Variants in CLIP1 observed in about 807,000 individuals in gnomAD.
CLIP1 encodes the protein CAP-Gly domain-containing linker protein 1.
Under a neutral mutation model 161.6 loss-of-function variants are expected in CLIP1, and 66 were observed. The observed-to-expected ratio is 0.41, with a 90% CI of 0.33 to 0.50. The LOEUF (loss-of-function observed/expected upper bound fraction) is 0.50, where lower values mean the gene tolerates loss of function less well. Among genes scored for constraint, CLIP1 ranks in the 20% least tolerant of loss-of-function variants. The pLI is 0.27. For missense variants in CLIP1, 1,376 were observed against 1,702.0 expected (o/e 0.81, Z 3.37); for synonymous variants, 598 against 626.2 (o/e 0.96, Z 0.67).
At chr12:122,315,939 T>C (rs1453477272) in intron 19 of CLIP1, among the ~76,000 whole-genome samples, 1 of 151,428 alleles carries the variant, frequency 6.6e-6, no homozygotes, top group African/African-American at 2.4e-5. Flanking sequence ...CCGTGCCTGG[T>C]CTATTACTCT....
At chr12:122,322,990 CTCTT>C (rs941095509) in intron 17 of CLIP1, 3 of 152,542 alleles carry the variant, frequency 2.0e-5, no homozygotes, top group Non-Finnish European at 2.9e-5. Context: ...CCTTTTTTCT[CTCTT>C]GAAGCTCCTT....
intron 19 of CLIP1, 112 bp from the exon 20 acceptor site, chr12:122,309,994 T>C (rs1951008017): frequency 2.5e-6 from 3 of 1,182,522 alleles, no homozygotes; most frequent in Admixed American, 4.3e-5. Context: ...ACGTGCCTGA[T>C]AGGATCTATA....
At chr12:122,370,971 A>C (rs982501470) in intron 3 of CLIP1, among the ~76,000 whole-genome samples, 1 of 47,170 alleles carries the variant, frequency 2.1e-5, no homozygotes, top group Admixed American at 2.0e-4. Flanking sequence ...AAAAAAAAAG[A>C]AAAAAAAAAA....
At chr12:122,320,152 T>C (rs574252712) in intron 17 of CLIP1, among the ~76,000 whole-genome samples, 1 of 151,426 alleles carries the variant, frequency 6.6e-6, no homozygotes, top group South Asian at 2.1e-4. Context: ...CGGGTGCCTG[T>C]AGCTACTTGG....
At chr12:122,414,411 A>C (rs1956653116) in intron 1 of CLIP1, among the ~76,000 whole-genome samples, 3 of 151,986 alleles carry the variant, frequency 2.0e-5, no homozygotes, top group African/African-American at 7.2e-5. Context: ...TACTCTCCCA[A>C]AGTGCTGGGA....
At chr12:122,309,549 T>C (rs1393961910) in intron 20 of CLIP1, among the ~76,000 whole-genome samples, 1 of 152,174 alleles carries the variant, frequency 6.6e-6, no homozygotes, top group African/African-American at 2.4e-5. Context: ...CAGTGTTCTG[T>C]GTGTTTTTTA....
intron 21 of CLIP1, among the ~76,000 whole-genome samples, chr12:122,286,854 C>G (rs1026301889): frequency 6.6e-6 from 1 of 151,956 alleles, no homozygotes; most frequent in Non-Finnish European, 1.5e-5. Flanking sequence ...AAAATTTAGC[C>G]GGGTGTGGTG....
At chr12:122,337,471 G>GA (rs746545014) in intron 11 of CLIP1, among the ~76,000 whole-genome samples, 3 of 147,216 alleles carry the variant, frequency 2.0e-5, no homozygotes, top group Non-Finnish European at 3.0e-5. Context: ...AGAAAGAAAA[G>GA]AGAGATGGGG....
intron 3 of CLIP1, among the ~76,000 whole-genome samples, chr12:122,375,356 G>A (rs1488540557): frequency 6.9e-6 from 1 of 145,618 alleles, no homozygotes; most frequent in African/African-American, 2.5e-5. Context: ...TCACTCTGTT[G>A]CCCAGGCTAG....
rs1954083851 is a variant in CLIP1 at position 122,365,260 on chromosome 12, AG to A, written c.658-1154del. On this transcript the variant is annotated intron_variant, in intron 3 of 25. Coordinates refer to ENST00000620786, the MANE Select transcript of CLIP1 (RefSeq NM_001247997.2). ...TAATAATAAAATAAAAATAAAAAAA[AG>A]AAAGGTGATATTGTAGACATCAAAG... 5.3e-6 allele frequency: 3 copies of A among 566,804 alleles called. No homozygotes were observed. The South Asian group carries it at 8.0e-5, about 15-fold the overall frequency. 35.1% of individuals were successfully genotyped at this position (566,804 alleles called of 1,614,324 possible).
At chr12:122,389,441 A>G (rs1311159005) in intron 1 of CLIP1, among the ~76,000 whole-genome samples, 1 of 152,168 alleles carries the variant, frequency 6.6e-6, no homozygotes, top group Non-Finnish European at 1.5e-5. Context: ...ACACAAAACT[A>G]TATGACAGAC....
rs370603758 is a variant in CLIP1, at chr12:122,406,021, G to A, written c.-107+16500C>T. ...GGCAGAGGTTGCAGTGAGCCTAGAT[G>A]GCACCACTGCACTCCAGCCTGGGTG... On this transcript the variant is annotated intron_variant, in intron 1 of 25. Coordinates refer to ENST00000620786, the MANE Select transcript of CLIP1 (RefSeq NM_001247997.2). Among the ~76,000 whole-genome samples, 8 of 152,200 alleles carry A rather than the reference G, an allele frequency of 5.3e-5. No individual in the cohort carries two copies. The East Asian group carries it at 1.5e-3, about 29-fold the overall frequency.
rs1951777156 is a variant in CLIP1, at chr12:122,328,080, T to G, written c.3116A>C (p.Lys1039Thr). 7 of 1,614,072 alleles carry G rather than the reference T, an allele frequency of 4.3e-6. No homozygotes were observed. The highest frequency in any genetic ancestry group is 5.9e-6 in the Non-Finnish European group (7 of 1,180,046). ...YERATSETKT[K>T]HEEILQNLQK... ...GAGGTTCTGTAGGATTTCTTCATGC[T>G]TGGTTTTTGTCTCAGAAGTGGCTCT... The change falls in exon 17 of 26, where the codon AAG becomes ACG. Residue 1039 changes from lysine to threonine, a missense_variant. By Grantham distance (78) the Lys-to-Thr change is moderately conservative (BLOSUM62 -1). Around this residue, in one of 6 missense-constraint regions of CLIP1, gnomAD observed 948 missense variants for 1,134.8 expected, o/e 0.84. Coordinates refer to ENST00000620786, the MANE Select transcript of CLIP1 (RefSeq NM_001247997.2).
chr12:122,392,516 T>G (rs1955702366), intron 1 of CLIP1, among the ~76,000 whole-genome samples: 1 of 151,958 alleles, frequency 6.6e-6, no homozygotes, highest in South Asian at 2.1e-4. Context: ...GCCCCAGCAA[T>G]GAATCCCAAA....
In CLIP1 at chr12:122,350,132, T is replaced by C. The variant is rs189936428; in HGVS notation, c.1401+979A>G. 1.6e-4 allele frequency among the ~76,000 whole-genome samples: 25 copies of C among 152,268 alleles called. No individual in the cohort carries two copies. In the East Asian group the frequency reaches 4.8e-3, roughly 29 times the overall value. On this transcript the variant is annotated intron_variant, in intron 9 of 25. Transcript: ENST00000620786. The stretch of plus-strand genomic sequence containing the variant: ...GTTGGCCAGGCTGGTCTCAAACTCC[T>C]AACCTTAGGTGTTCTGCCCGCCTCA...
chr12:122,340,720 G>A (rs779570307), intron 11 of CLIP1, 33 bp downstream of exon 11: 1 of 1,474,358 alleles, frequency 6.8e-7, no homozygotes, highest in South Asian at 1.3e-5. Flanking sequence ...ATAACAAATG[G>A]AAAAGAAAAG....
chr12:122,322,945 G>A (rs1049397585), intron 17 of CLIP1: 1 of 152,660 alleles, frequency 6.6e-6, no homozygotes, highest in Non-Finnish European at 1.5e-5. Context: ...GCATCAAAGA[G>A]AGGTCGCACT....
intron 1 of CLIP1, among the ~76,000 whole-genome samples, chr12:122,387,422 A>T (rs1955323923): frequency 6.7e-6 from 1 of 149,898 alleles, no homozygotes; most frequent in South Asian, 2.1e-4. Flanking sequence ...TCTTTTCTGT[A>T]TTTTACATCA....
chr12:122,278,052 C>G lies in CLIP1; in HGVS notation c.3966+102G>C, dbSNP rs77976446. ...AGGAATGCATTACCAATTCAAAAGA[C>G]TAAATGATACAAAAGGCATCAAATG... On this transcript the variant is annotated intron_variant, in intron 24 of 25. Coordinates refer to ENST00000620786, the MANE Select transcript of CLIP1 (RefSeq NM_001247997.2). The G allele has an allele frequency of 5.3e-4, 548 of 1,030,188 alleles. 6 individuals carry two copies. In the African/African-American group the frequency reaches 8.1e-3, roughly 15 times the overall value. 63.8% of individuals were successfully genotyped at this position (1,030,188 alleles called of 1,614,324 possible).
Sources: gnomAD v4.1 joint callset for allele counts (sites outside exome capture counted in the v4.1 genomes callset) on GRCh38, gnomAD v4.1.1 for gene constraint, gnomAD v4.1.1 regional missense constraint, MANE v1.5 for transcripts, NCBI Gene and HGNC (gene_info 2026-07-23, HGNC 2026-07-21) for gene names.